CLSTN2: variants seen among roughly 807,000 people sequenced by gnomAD.
CLSTN2 encodes the protein calsyntenin 2, also known as calsyntenin-2.
CLSTN2 carries 48 observed loss-of-function variants against 101.2 expected under a neutral mutation model. The ratio of observed to expected loss-of-function variants is 0.47; its 90% CI spans 0.38 to 0.60. CLSTN2 has a LOEUF of 0.60. Among genes scored for constraint, CLSTN2 ranks in the 20% least tolerant of loss-of-function variants. The pLI is 0.00. For synonymous variants in CLSTN2, 481 were observed against 463.6 expected (o/e 1.04, Z -0.48); for missense variants, 1,160 against 1,238.2 (o/e 0.94, Z 0.95).
intron 8 of CLSTN2, among the ~76,000 whole-genome samples, chr3:140,485,874 A>T (rs150233852): frequency 8.3e-4 from 127 of 152,250 alleles, no homozygotes; most frequent in African/African-American, 2.9e-3. Flanking sequence ...TTCTTTGATT[A>T]GGAAAGGGAA....
chr3:140,316,606 C>G (rs1225641436), intron 2 of CLSTN2, among the ~76,000 whole-genome samples: 2 of 152,120 alleles, frequency 1.3e-5, no homozygotes, highest in Non-Finnish European at 2.9e-5. Flanking sequence ...GCTGGTATGT[C>G]AGTTTCTTAA....
At chr3:140,131,178 T>C (rs990211180) in intron 1 of CLSTN2, among the ~76,000 whole-genome samples, 59 of 152,214 alleles carry the variant, frequency 3.9e-4, no homozygotes, top group African/African-American at 1.4e-3. Context: ...AAATCCGGGC[T>C]TTATTTCTTT....
intron 2 of CLSTN2, among the ~76,000 whole-genome samples, chr3:140,361,898 TC>T: frequency 6.6e-6 from 1 of 152,282 alleles, no homozygotes; most frequent in East Asian, 1.9e-4. Flanking sequence ...TAATGGCAGT[TC>T]TCCACAAATT....
chr3:140,479,142 G>A (rs1275111727), intron 8 of CLSTN2, among the ~76,000 whole-genome samples: 1 of 152,146 alleles, frequency 6.6e-6, no homozygotes, highest in Non-Finnish European at 1.5e-5. Context: ...ATCTGAGCAG[G>A]TATTTTAGCT....
chr3:140,028,034 C>T (rs1391158330), intron 1 of CLSTN2, among the ~76,000 whole-genome samples: 2 of 152,164 alleles, frequency 1.3e-5, no homozygotes, highest in Non-Finnish European at 2.9e-5. Flanking sequence ...ATGATGTGTT[C>T]AGGAAGCTGG....
intron 1 of CLSTN2, among the ~76,000 whole-genome samples, chr3:140,172,233 C>T (rs922940669): frequency 1.7e-4 from 15 of 85,760 alleles, no homozygotes; most frequent in African/African-American, 2.9e-4. Flanking sequence ...TGGGGGTGAG[C>T]GGGGGGGACT....
chr3:140,474,098 A>G (rs1218360544), intron 8 of CLSTN2, among the ~76,000 whole-genome samples: 1 of 152,108 alleles, frequency 6.6e-6, no homozygotes, highest in Non-Finnish European at 1.5e-5. Context: ...TTAAGCCACA[A>G]AGTTTGTGGT....
intron 1 of CLSTN2, among the ~76,000 whole-genome samples, chr3:140,080,836 G>C (rs762144580): frequency 9.2e-5 from 14 of 152,204 alleles, no homozygotes; most frequent in Non-Finnish European, 1.6e-4. Flanking sequence ...CACAAGGATG[G>C]GGTGAGTGCG....
intron 2 of CLSTN2, among the ~76,000 whole-genome samples, chr3:140,211,427 GTA>G (rs879873578): frequency 8.9e-4 from 18 of 20,266 alleles, no homozygotes; most frequent in East Asian, 3.6e-3. Flanking sequence ...CACACACACA[GTA>G]TATATATATA....
chr3:140,224,566 C>A (rs1005606318), intron 2 of CLSTN2, among the ~76,000 whole-genome samples: 4 of 152,104 alleles, frequency 2.6e-5, no homozygotes, highest in African/African-American at 9.7e-5. Context: ...CAAAGTGTGA[C>A]CCACAGAACT....
chr3:140,187,109 G>T (rs2010495957), intron 2 of CLSTN2, among the ~76,000 whole-genome samples: 1 of 152,136 alleles, frequency 6.6e-6, no homozygotes, highest in African/African-American at 2.4e-5. Context: ...AAAGAGGTGA[G>T]ACACCAGGTA....
chr3:140,314,244 C>A (rs1448141877), intron 2 of CLSTN2, among the ~76,000 whole-genome samples: 1 of 152,194 alleles, frequency 6.6e-6, no homozygotes, highest in African/African-American at 2.4e-5. Flanking sequence ...GGGTTTAATT[C>A]AAAGCCAAGC....
Position 140,385,857 on chromosome 3 carries a change from G to A in CLSTN2, c.233-17772G>A, listed in dbSNP as rs148307557. ...TCTAGGGCAGGGGTCTGGGGCAGGG[G>A]CCAGACAGACCTTGAAATGAGGCTG... On this transcript the variant is annotated intron_variant, in intron 2 of 16. Transcript: ENST00000458420. 2.3e-3 allele frequency among the ~76,000 whole-genome samples: 348 copies of A among 152,290 alleles called. 1 individual carries two copies. Among genetic ancestry groups the A allele is most frequent in the African/African-American group, 8.2e-3 (340 of 41,576 alleles).
chr3:140,287,897 G>T (rs967815884), intron 2 of CLSTN2, among the ~76,000 whole-genome samples: 2 of 152,146 alleles, frequency 1.3e-5, no homozygotes, highest in African/African-American at 4.8e-5. Flanking sequence ...ATGCCCCAGT[G>T]CTCAGGAGAG....
intron 2 of CLSTN2, among the ~76,000 whole-genome samples, chr3:140,363,546 A>G (rs539327464): frequency 6.6e-6 from 1 of 152,348 alleles, no homozygotes; most frequent in South Asian, 2.1e-4. Context: ...CTGATAGCAT[A>G]GCAGAGTCTT....
intron 2 of CLSTN2, among the ~76,000 whole-genome samples, chr3:140,351,710 G>A (rs532992636): frequency 2.6e-5 from 4 of 152,200 alleles, no homozygotes; most frequent in South Asian, 2.1e-4. Flanking sequence ...CTAGAGGCCC[G>A]ACCTCTGTTG....
chr3:140,207,780 A>T (rs1327043094), intron 2 of CLSTN2, among the ~76,000 whole-genome samples: 4 of 152,076 alleles, frequency 2.6e-5, no homozygotes, highest in Non-Finnish European at 4.4e-5. Context: ...CCCAGTGCAG[A>T]ACTGGTTCTG....
At chr3:140,252,876 C>T (rs2086576040) in intron 2 of CLSTN2, among the ~76,000 whole-genome samples, 1 of 152,030 alleles carries the variant, frequency 6.6e-6, no homozygotes, top group Admixed American at 6.5e-5. Context: ...TCCACCATGA[C>T]CCAGCTCATC....
At chr3:140,029,070 C>T (rs984581395) in intron 1 of CLSTN2, among the ~76,000 whole-genome samples, 8 of 152,176 alleles carry the variant, frequency 5.3e-5, no homozygotes, top group Non-Finnish European at 7.3e-5. Flanking sequence ...TGTCATTGCA[C>T]GATGAGTTTG....
Sources: allele counts gnomAD v4.1 joint callset (sites outside exome capture counted in the v4.1 genomes callset), GRCh38; gene constraint gnomAD v4.1.1; transcripts MANE v1.5; gene names NCBI Gene and HGNC (gene_info 2026-07-23, HGNC 2026-07-21).